DIDO1: variants seen among roughly 807,000 people sequenced by gnomAD.
DIDO1 encodes death inducer-obliterator 1.
DIDO1 carries 16 observed loss-of-function variants against 99.4 expected under a neutral mutation model. The ratio of observed to expected loss-of-function variants is 0.16; its 90% CI spans 0.11 to 0.24. The LOEUF (loss-of-function observed/expected upper bound fraction) is 0.24. Among genes scored for constraint, DIDO1 ranks in the 10% least tolerant of loss-of-function variants. DIDO1 has a pLI of 1.00. For missense variants in DIDO1, 2,996 were observed against 3,014.0 expected, an observed-to-expected ratio of 0.99 and a Z score of 0.14; for synonymous variants, 1,366 against 1,239.1, an observed-to-expected ratio of 1.10 and a Z score of -2.15.
At position 62,894,324 on chromosome 20, in the gene DIDO1, C is replaced by T. The variant is rs965349182; in HGVS notation, c.2572+89G>A. ...TGGCCCTTCTGCGTGTTTAAGCTTA[C>T]GTGCGGTTGCTTTTAGGAGGTTCAG... On this transcript the variant is annotated intron_variant, in intron 11 of 15. Coordinates refer to ENST00000395343, the MANE Select transcript of DIDO1 (RefSeq NM_001193369.2). The surrounding 1 kb of genome is among the most constrained non-coding windows in gnomAD (Gnocchi z 4.4). The T allele has an allele frequency of 2.7e-5, 42 of 1,583,516 alleles. No individual in the cohort carries two copies. The Middle Eastern group carries it at 5.1e-4, about 19-fold the overall frequency.
At chr20:62,913,699 A>G (rs530147124) in intron 2 of DIDO1, among the ~76,000 whole-genome samples, 3 of 152,364 alleles carry the variant, frequency 2.0e-5, no homozygotes, top group Admixed American at 2.0e-4. Flanking sequence ...AGGGGCTCGC[A>G]CTAGCCTTTG....
intron 13 of DIDO1, 111 bp downstream of exon 13, chr20:62,892,698 T>G (rs2064424521): frequency 7.2e-7 from 1 of 1,389,318 alleles, no homozygotes; most frequent in Non-Finnish European, 9.6e-7. Flanking sequence ...TGTCAGGCAT[T>G]TCTGTTTCTC....
At chr20:62,893,467 T>G (rs1281302158) in intron 12 of DIDO1, among the ~76,000 whole-genome samples, 199 bp downstream of exon 12, 1 of 152,208 alleles carries the variant, frequency 6.6e-6, no homozygotes, top group Admixed American at 6.5e-5. Flanking sequence ...TGAGCACAAA[T>G]TTAAATGTCA....
chr20:62,937,362 C>A (rs2065400797), intron 1 of DIDO1, among the ~76,000 whole-genome samples: 1 of 141,410 alleles, frequency 7.1e-6, no homozygotes, highest in Admixed American at 7.2e-5. Flanking sequence ...AACCCGCGCT[C>A]CTGCCGGGAG....
chr20:62,911,171 G>C lies in DIDO1; in HGVS notation c.442C>G (p.His148Asp), dbSNP rs1166581653. 2 of 1,614,046 alleles carry C rather than the reference G, an allele frequency of 1.2e-6. No homozygotes were observed. The highest frequency in any genetic ancestry group is 3.3e-5 in the Admixed American group (2 of 60,026). ...SSEKVKGGDD[H>D]DDTSDSDSDG... ...CTGTCACTATCGGAGGTGTCATCGT[G>C]GTCATCCCCTCCTTTCACCTTTTCA... The change falls in exon 3 of 16, where the codon CAC (histidine) becomes GAC (aspartate). Residue 148 changes from histidine (H) to aspartate (D), a missense_variant. Coordinates refer to ENST00000395343, the MANE Select transcript of DIDO1 (RefSeq NM_001193369.2). The surrounding 1 kb of genome is among the most constrained non-coding windows in gnomAD (Gnocchi z 7.0).
At chr20:62,892,309 C>CA (rs2064415360) in intron 13 of DIDO1, among the ~76,000 whole-genome samples, 1 of 152,184 alleles carries the variant, frequency 6.6e-6, no homozygotes, top group South Asian at 2.1e-4. Context: ...AATGACTGCC[C>CA]AACACTTCTA....
rs897214049 is a variant in DIDO1 at position 62,881,327 on chromosome 20, G to C, written c.4629C>G (p.Asp1543Glu). The C allele has an allele frequency of 6.2e-7, 1 of 1,604,682 alleles. No homozygotes were observed. The highest frequency in any genetic ancestry group is 1.3e-5 in the African/African-American group (1 of 75,056). ...TGGCGGGGGGCAGTGAGGCGGGCTT[G>C]TCTGCAGACTGCTGCTCTTGCTGGA... The part of the protein sequence containing the change: ...ELFQQEQQSA[D>E]KPASLPPASQ... The change falls in exon 16 of 16, where the codon GAC becomes GAG. Residue 1543 changes from aspartate to glutamate, a missense_variant. Coordinates refer to ENST00000395343, the MANE Select transcript of DIDO1 (RefSeq NM_001193369.2). The surrounding 1 kb of genome is among the most constrained non-coding windows in gnomAD (Gnocchi z 8.3).
chr20:62,912,843 C>T (rs1030056201), intron 2 of DIDO1, among the ~76,000 whole-genome samples: 3 of 152,140 alleles, frequency 2.0e-5, no homozygotes, highest in African/African-American at 7.2e-5. Context: ...ACCAGCCTGG[C>T]CAACATGGTG....
rs562403820 is a variant in DIDO1 at position 62,894,887 on chromosome 20, T to G, written c.2359A>C (p.Asn787His). The change falls in exon 10 of 16, where the codon AAT becomes CAT. Residue 787 changes from asparagine to histidine, a missense_variant. Transcript: ENST00000395343. The surrounding 1 kb of genome is among the most constrained non-coding windows in gnomAD (Gnocchi z 4.4). Reference protein sequence around the residue: ...SVMESRTKLHNESKKTAPRQE... With the variant: ...SVMESRTKLHHESKKTAPRQE... Reference sequence around the variant, plus strand: ...CTGGGGGCCGTCTTCTTGCTTTCATTGTGCAGTTTAGTTCTGGACTCCATC... The same window carrying G: ...CTGGGGGCCGTCTTCTTGCTTTCATGGTGCAGTTTAGTTCTGGACTCCATC... 6.2e-7 allele frequency: 1 copy of G among 1,614,120 alleles called. No individual in the cohort carries two copies. Among genetic ancestry groups the G allele is most frequent in the East Asian group, 2.2e-5 (1 of 44,878 alleles).
At chr20:62,891,539 G>T (rs1180059786) in intron 14 of DIDO1, among the ~76,000 whole-genome samples, 3 of 152,004 alleles carry the variant, frequency 2.0e-5, no homozygotes, top group Non-Finnish European at 2.9e-5. Context: ...AAATCTCAGG[G>T]GGTCCCAGAA....
Position 62,894,591 on chromosome 20 carries a change from A to C in DIDO1, c.2437-43T>G, listed in dbSNP as rs1298808665. 2 of 1,592,146 alleles carry C rather than the reference A, an allele frequency of 1.3e-6. No homozygotes were observed. The highest frequency in any genetic ancestry group is 3.4e-5 in the Admixed American group (2 of 58,272). Reference sequence around the variant, plus strand: ...AAAAAAGTGAGGTCGTTTCTTCTCCAAACTCAGCTCCAAATTAACCACACA... The same window carrying C: ...AAAAAAGTGAGGTCGTTTCTTCTCCCAACTCAGCTCCAAATTAACCACACA... On this transcript the variant is annotated intron_variant, in intron 10 of 15. Coordinates refer to ENST00000395343, the MANE Select transcript of DIDO1 (RefSeq NM_001193369.2). The surrounding 1 kb of genome is among the most constrained non-coding windows in gnomAD (Gnocchi z 4.4).
chr20:62,885,347 G>T (rs542267914), intron 15 of DIDO1, among the ~76,000 whole-genome samples: 1 of 152,354 alleles, frequency 6.6e-6, no homozygotes, highest in African/African-American at 2.4e-5. Context: ...CCACCCAAGG[G>T]AGACACTCAG....
intron 1 of DIDO1, among the ~76,000 whole-genome samples, chr20:62,922,091 ATATACACAC>A (rs2065156223): frequency 1.1e-5 from 1 of 90,148 alleles, no homozygotes; most frequent in African/African-American, 4.0e-5. Context: ...TACACACTAT[ATATACACAC>A]TATATATATA....
chr20:62,914,794 G>A (rs1451997682), intron 1 of DIDO1, among the ~76,000 whole-genome samples: 1 of 152,066 alleles, frequency 6.6e-6, no homozygotes, highest in Non-Finnish European at 1.5e-5. Flanking sequence ...AGAGGAACAA[G>A]AACAAAAAGT....
Position 62,891,036 on chromosome 20 carries a change from G to C in DIDO1, c.3465C>G (p.His1155Gln). Residue 1155 changes from histidine to glutamine, a missense_variant, in exon 15 of 16, where the codon CAC becomes CAG. Physicochemically the swap from His to Gln is conservative, Grantham distance 24 (BLOSUM62 0). Transcript: ENST00000395343. ...GCGGGATCAGGTAGAGGTCCTTGACGTGCCTGTTGTTATTAGCTACAACAC... is the reference window on the plus strand; with the variant it reads ...GCGGGATCAGGTAGAGGTCCTTGACCTGCCTGTTGTTATTAGCTACAACAC... ...RFGVVANNNR[H>Q]VKDLYLIPLS... is the part of the protein sequence containing the mutation. The C allele has an allele frequency of 1.9e-6, 3 of 1,614,196 alleles. No homozygotes were observed. The highest frequency in any genetic ancestry group is 2.5e-6 in the Non-Finnish European group (3 of 1,180,048).
At position 62,896,742 on chromosome 20, in the gene DIDO1, C is replaced by T. The variant is rs772960224; in HGVS notation, c.1843G>A (p.Gly615Arg). The T allele has an allele frequency of 1.2e-5, 20 of 1,613,332 alleles. No homozygotes were observed. The highest frequency in any genetic ancestry group is 1.2e-4 in the Admixed American group (7 of 59,990). Residue 615 changes from glycine (G) to arginine (R), a missense_variant, in exon 7 of 16, where the codon GGA (glycine) becomes AGA (arginine). Gly to Arg is a moderately radical substitution (Grantham distance 125). Coordinates refer to ENST00000395343, the MANE Select transcript of DIDO1 (RefSeq NM_001193369.2). This position sits in a 1 kb window ranked among gnomAD's most constrained non-coding sequence, Gnocchi z 4.4. ...SSGASAARQA[G>R]PAPAAATAAS... ...GCCGTTGCCGCTGCAGGTGCCGGTC[C>T]GGCCTGCCTGGCAGCTGAAGCACCA...
At chr20:62,922,734 C>T (rs1166928965) in intron 1 of DIDO1, among the ~76,000 whole-genome samples, 5 of 152,248 alleles carry the variant, frequency 3.3e-5, no homozygotes, top group Non-Finnish European at 5.9e-5. Flanking sequence ...CCTGTGCTGG[C>T]GAGGGCTTGG....
At chr20:62,916,922 C>T (rs777247617) in intron 1 of DIDO1, among the ~76,000 whole-genome samples, 6 of 152,248 alleles carry the variant, frequency 3.9e-5, no homozygotes, top group Non-Finnish European at 5.9e-5. Context: ...ACTCTGAACA[C>T]GTCCTTGCAC....
At chr20:62,899,646 T>C (rs773163444) in intron 6 of DIDO1, among the ~76,000 whole-genome samples, 5 of 152,188 alleles carry the variant, frequency 3.3e-5, no homozygotes, top group Non-Finnish European at 7.3e-5. Flanking sequence ...TCCTTAACCA[T>C]TGCTATTTTA....
Sources: gnomAD v4.1 joint callset for allele counts (sites outside exome capture counted in the v4.1 genomes callset) on GRCh38, gnomAD v4.1.1 for gene constraint, Gnocchi (gnomAD v3.1) non-coding constraint, MANE v1.5 for transcripts, NCBI Gene and HGNC (gene_info 2026-07-23, HGNC 2026-07-21) for gene names.